RIPOR2: variants seen among roughly 807,000 people sequenced by gnomAD.
RIPOR2 encodes the protein rho family-interacting cell polarization regulator 2.
RIPOR2 carries 39 observed loss-of-function variants against 114.5 expected under a neutral mutation model. The ratio of observed to expected loss-of-function variants is 0.34; its 90% CI spans 0.26 to 0.44. RIPOR2 has a LOEUF of 0.44. Ranked by LOEUF, RIPOR2 falls within the 20% of genes least tolerant of loss-of-function variation. The probability of loss-of-function intolerance (pLI) is 1.00; values close to 1 mark genes in which losing one functional copy is unlikely to be tolerated. For synonymous variants in RIPOR2, 445 were observed against 484.4 expected (o/e 0.92, Z 1.07); for missense variants, 1,007 against 1,255.1 (o/e 0.80, Z 2.99).
chr6:24,928,442 AT>A (rs1771129067), intron 1 of RIPOR2, among the ~76,000 whole-genome samples: 1 of 152,204 alleles, frequency 6.6e-6, no homozygotes, highest in Non-Finnish European at 1.5e-5. Flanking sequence ...CTGAAGTTCA[AT>A]TTATAGAGAA....
At chr6:24,840,156 G>T (rs1196661589) in intron 13 of RIPOR2, 1 of 847,938 alleles carries the variant, frequency 1.2e-6, no homozygotes, top group Non-Finnish European at 1.4e-6. Context: ...TCCCTATGTT[G>T]ACCATACCGG....
At chr6:25,038,933 G>A (rs1777361921) in intron 1 of RIPOR2, among the ~76,000 whole-genome samples, 1 of 152,352 alleles carries the variant, frequency 6.6e-6, no homozygotes, top group African/African-American at 2.4e-5. Context: ...GGCCCCCGTG[G>A]GGAAAAAGGA....
rs185821379 is a variant in RIPOR2, at chr6:24,974,136, C to A, written c.76+67715G>T. Among the ~76,000 whole-genome samples the A allele has an allele frequency of 1.4e-4, 21 of 152,300 alleles. No individual in the cohort carries two copies. The East Asian group carries it at 3.7e-3, about 27-fold the overall frequency. ...TGGTGGCTCATGCCTGTAATCCCAG[C>A]ACTTTGGGAGGCAGAGGTGGGAGGA... On this transcript the variant is annotated intron_variant, in intron 1 of 13. Transcript: ENST00000510784.
chr6:24,944,635 C>T (rs183760295), intron 1 of RIPOR2, among the ~76,000 whole-genome samples: 214 of 152,252 alleles, frequency 1.4e-3, no homozygotes, highest in African/African-American at 4.6e-3. Flanking sequence ...TAATGAAGCC[C>T]AGAAGATGTT....
At position 24,883,351 on chromosome 6, in the gene RIPOR2, C is replaced by T. The variant is rs954445597; in HGVS notation, c.62-7534G>A. ...TCTCCATAAGCTAGACTGAGACCAA[C>T]CCCTCTGAGACAAGACAATTGACCC... On this transcript the variant is annotated intron_variant, in intron 1 of 21. Coordinates refer to ENST00000643898, the MANE Select transcript of RIPOR2 (RefSeq NM_001286445.3). This position sits in a 1 kb window ranked among gnomAD's most constrained non-coding sequence, Gnocchi z 4.1. 1.3e-5 allele frequency among the ~76,000 whole-genome samples: 2 copies of T among 152,198 alleles called. No individual in the cohort carries two copies. The highest frequency in any genetic ancestry group is 4.8e-5 in the African/African-American group (2 of 41,448).
chr6:25,005,701 AT>A (rs1775523688), intron 1 of RIPOR2, among the ~76,000 whole-genome samples: 1 of 39,214 alleles, frequency 2.6e-5, no homozygotes, highest in African/African-American at 1.5e-4. Context: ...GGAGATATAT[AT>A]ATATATATAT....
chr6:24,984,108 T>C (rs1581912322), intron 1 of RIPOR2, among the ~76,000 whole-genome samples: 2 of 152,216 alleles, frequency 1.3e-5, no homozygotes, highest in South Asian at 4.1e-4. Flanking sequence ...AGGTCAGCCC[T>C]GCACTATTTA....
chr6:24,855,526 C>T (rs1219966979), intron 8 of RIPOR2, among the ~76,000 whole-genome samples: 1 of 152,206 alleles, frequency 6.6e-6, no homozygotes, highest in African/African-American at 2.4e-5. Context: ...ATGAGCTGGT[C>T]CAGAAACAGC....
At chr6:24,950,897 A>G (rs1312533942) in intron 1 of RIPOR2, among the ~76,000 whole-genome samples, 1 of 152,250 alleles carries the variant, frequency 6.6e-6, no homozygotes, top group Non-Finnish European at 1.5e-5. Flanking sequence ...AACACAGTCC[A>G]GGCATTAGAC....
At chr6:24,973,317 T>C (rs1773876280) in intron 1 of RIPOR2, among the ~76,000 whole-genome samples, 1 of 152,006 alleles carries the variant, frequency 6.6e-6, no homozygotes, top group Non-Finnish European at 1.5e-5. Flanking sequence ...ACATCATCCT[T>C]CTAGGCTGGG....
chr6:24,864,883 A>C (rs557231829), intron 7 of RIPOR2, among the ~76,000 whole-genome samples: 56 of 152,306 alleles, frequency 3.7e-4, no homozygotes, highest in Non-Finnish European at 6.2e-4. Context: ...ACTAGGCTCG[A>C]TTTACACTAG....
At chr6:24,928,046 A>G (rs1771097122) in intron 1 of RIPOR2, among the ~76,000 whole-genome samples, 2 of 152,224 alleles carry the variant, frequency 1.3e-5, no homozygotes, top group Admixed American at 6.5e-5. Context: ...CAGACCACTC[A>G]AAACTGCAAT....
At chr6:24,895,271 G>A (rs1767748252) in intron 1 of RIPOR2, among the ~76,000 whole-genome samples, 1 of 151,990 alleles carries the variant, frequency 6.6e-6, no homozygotes, top group Admixed American at 6.6e-5. Context: ...GGCTGGTCTC[G>A]AACTCCTGAC....
chr6:24,929,267 T>C (rs991797728), intron 1 of RIPOR2: 13 of 151,710 alleles, frequency 8.6e-5, no homozygotes, highest in Non-Finnish European at 1.6e-4. Flanking sequence ...AAAGTAAAGA[T>C]GGTTTTTAGC....
intron 1 of RIPOR2, among the ~76,000 whole-genome samples, chr6:24,967,931 T>A (rs1257488169): frequency 8.9e-6 from 1 of 112,940 alleles, no homozygotes; most frequent in Admixed American, 9.2e-5. Flanking sequence ...TTTTTTTTTT[T>A]AGATGGAGTC....
chr6:24,955,880 G>A (rs1158610518), intron 1 of RIPOR2, among the ~76,000 whole-genome samples: 2 of 151,156 alleles, frequency 1.3e-5, no homozygotes, highest in African/African-American at 4.9e-5. Context: ...GTGGTGGCAG[G>A]TGCCTGTAAT....
At chr6:24,990,991 C>A (rs1031278993) in intron 1 of RIPOR2, among the ~76,000 whole-genome samples, 4 of 152,228 alleles carry the variant, frequency 2.6e-5, no homozygotes, top group Non-Finnish European at 5.9e-5. Context: ...TTGGTGGTAC[C>A]TATCATGACC....
chr6:24,823,287 G>A (rs1354621837), intron 19 of RIPOR2, among the ~76,000 whole-genome samples: 1 of 152,230 alleles, frequency 6.6e-6, no homozygotes, highest in Admixed American at 6.5e-5. Flanking sequence ...AAAGGGTTCA[G>A]GCTTTGGGAG....
chr6:24,859,907 T>C (rs937282874), intron 8 of RIPOR2, among the ~76,000 whole-genome samples: 10 of 152,198 alleles, frequency 6.6e-5, no homozygotes, highest in African/African-American at 2.2e-4. Context: ...AACCTCAGAA[T>C]TGCATAAGCA....
Sources: gnomAD v4.1 joint callset for allele counts (sites outside exome capture counted in the v4.1 genomes callset) on GRCh38, gnomAD v4.1.1 for gene constraint, Gnocchi (gnomAD v3.1) non-coding constraint, MANE v1.5 for transcripts, NCBI Gene and HGNC (gene_info 2026-07-23, HGNC 2026-07-21) for gene names.